Variants in AUTS2 observed in about 807,000 individuals in gnomAD.
AUTS2 encodes the protein autism susceptibility gene 2 protein.
Under a neutral mutation model 112.4 loss-of-function variants are expected in AUTS2, and 17 were observed. That is an observed-to-expected ratio of 0.15 (90% CI 0.10 to 0.23). The LOEUF is 0.23. Among genes scored for constraint, AUTS2 ranks in the 10% least tolerant of loss-of-function variants. The probability of loss-of-function intolerance (pLI) is 1.00; values close to 1 mark genes in which losing one functional copy is unlikely to be tolerated. For synonymous variants in AUTS2, 751 were observed against 702.7 expected (o/e 1.07, Z -1.09); for missense variants, 1,510 against 1,701.6 (o/e 0.89, Z 1.98).
At chr7:70,068,798 A>G (rs1346051705) in intron 2 of AUTS2, among the ~76,000 whole-genome samples, 1 of 152,244 alleles carries the variant, frequency 6.6e-6, no homozygotes, top group Non-Finnish European at 1.5e-5. Flanking sequence ...AACTAACCAC[A>G]GAGAAATGCT....
intron 1 of AUTS2, among the ~76,000 whole-genome samples, chr7:69,601,363 A>C (rs1792397863): frequency 6.6e-6 from 1 of 152,108 alleles, no homozygotes; most frequent in Non-Finnish European, 1.5e-5. Context: ...ATGACAGCTT[A>C]AATCTCACAT....
At chr7:70,781,375 A>AAAAAAC in intron 14 of AUTS2, 2 of 348,412 alleles carry the variant, frequency 5.7e-6, no homozygotes, top group East Asian at 1.3e-4. Flanking sequence ...AAAAAAAAAA[A>AAAAAAC]AAAAAAAAAC....
intron 1 of AUTS2, among the ~76,000 whole-genome samples, chr7:69,830,917 C>T (rs887859844): frequency 1.3e-5 from 2 of 152,060 alleles, no homozygotes; most frequent in Admixed American, 6.6e-5. Flanking sequence ...TGAGGAATGC[C>T]GATGGTTTTC....
At chr7:70,729,891 T>C (rs1391551615) in intron 6 of AUTS2, among the ~76,000 whole-genome samples, 2 of 149,170 alleles carry the variant, frequency 1.3e-5, no homozygotes, top group Non-Finnish European at 1.5e-5. Flanking sequence ...TGTATGTATG[T>C]ATGTATTTAG....
At position 69,876,325 on chromosome 7, in the gene AUTS2, C is replaced by CAA. The variant is rs1167965776; in HGVS notation, c.310-22937_310-22936dup. Among the ~76,000 whole-genome samples, 31 of 26,172 alleles carry CAA rather than the reference C, an allele frequency of 1.2e-3. 1 individual carries two copies. The highest frequency in any genetic ancestry group is 2.5e-3 in the East Asian group (1 of 404). 17.2% of individuals were successfully genotyped at this position (26,172 alleles called of 152,430 possible). On this transcript the variant is annotated intron_variant, in intron 1 of 18. Coordinates refer to ENST00000342771, the MANE Select transcript of AUTS2 (RefSeq NM_015570.4). ...TGGGTGATGGAGCGAGACTCTGTCTCAAAAAAAAAAAAAAAAAAAAAAAAA... is the reference window on the plus strand; with the variant it reads ...TGGGTGATGGAGCGAGACTCTGTCTCAAAAAAAAAAAAAAAAAAAAAAAAAAA...
At chr7:70,602,728 CATTCAACACA>C (rs1007639700) in intron 5 of AUTS2, among the ~76,000 whole-genome samples, 13 of 152,288 alleles carry the variant, frequency 8.5e-5, no homozygotes, top group South Asian at 4.2e-4. Context: ...TTCTTGAACA[CATTCAACACA>C]AAACTGTGGC....
At chr7:70,683,430 A>T (rs529815628) in intron 5 of AUTS2, among the ~76,000 whole-genome samples, 11 of 152,322 alleles carry the variant, frequency 7.2e-5, no homozygotes, top group Admixed American at 7.2e-4. Context: ...GGTGGTGTGT[A>T]AGAGTACATC....
In AUTS2 at chr7:70,766,034, C is replaced by T. The variant is rs1418979562; in HGVS notation, c.1469-80C>T. 1.1e-5 allele frequency: 17 copies of T among 1,556,534 alleles called. No homozygotes were observed. Among genetic ancestry groups the T allele is most frequent in the Non-Finnish European group, 1.5e-5 (17 of 1,148,872 alleles). On this transcript the variant is annotated intron_variant, in intron 8 of 18. Transcript: ENST00000342771. This position sits in a 1 kb window ranked among gnomAD's most constrained non-coding sequence, Gnocchi z 4.8. ...ACCCCTGCCACTGTGTCACCAGCCC[C>T]GTACCCCTCCACAGGAAGGCAGTCC...
intron 6 of AUTS2, among the ~76,000 whole-genome samples, chr7:70,720,129 G>A (rs940564142): frequency 8.6e-5 from 13 of 151,586 alleles, no homozygotes; most frequent in Admixed American, 5.3e-4. Context: ...AATCTGAATC[G>A]TTACTCCACG....
At chr7:70,496,677 C>T (rs1798535939) in intron 5 of AUTS2, among the ~76,000 whole-genome samples, 1 of 145,104 alleles carries the variant, frequency 6.9e-6, no homozygotes. Context: ...ATCGATCACA[C>T]ACCCCACTCA....
intron 1 of AUTS2, among the ~76,000 whole-genome samples, chr7:69,648,216 A>G (rs1795122859): frequency 6.6e-6 from 1 of 152,224 alleles, no homozygotes; most frequent in African/African-American, 2.4e-5. Context: ...TAATTCATCA[A>G]GAGCACTAAC....
Position 70,792,328 on chromosome 7 carries a change from G to C in AUTS2, c.*1332G>C, listed in dbSNP as rs1198895958. 2 of 152,432 alleles carry C rather than the reference G, an allele frequency of 1.3e-5. No individual in the cohort carries two copies. The highest frequency in any genetic ancestry group is 4.8e-5 in the African/African-American group (2 of 41,368). The allele number at this position is 152,432 out of a possible 1,614,324, so 9.4% of individuals were successfully genotyped here. A position where few individuals can be genotyped will look rare whatever the true frequency, so the allele number is the denominator to read the frequency against. ...TCATAATACTTTTATAATACATTAA[G>C]CCTCTTGTCTACATATTTGGAGAGA... On this transcript the variant is annotated 3_prime_UTR_variant, in exon 19 of 19. Transcript: ENST00000342771.
chr7:70,501,497 T>C (rs1457505718), intron 5 of AUTS2, among the ~76,000 whole-genome samples: 1 of 152,230 alleles, frequency 6.6e-6, no homozygotes, highest in East Asian at 1.9e-4. Flanking sequence ...CCATGTTTTC[T>C]TAGCTGATAG....
chr7:69,944,480 T>A (rs944598222), intron 2 of AUTS2, among the ~76,000 whole-genome samples: 4 of 152,176 alleles, frequency 2.6e-5, no homozygotes, highest in Non-Finnish European at 5.9e-5. Context: ...AGAAGACATA[T>A]ATATTTAGGG....
At chr7:70,492,294 C>G (rs569506883) in intron 5 of AUTS2, among the ~76,000 whole-genome samples, 11 of 151,932 alleles carry the variant, frequency 7.2e-5, no homozygotes, top group Admixed American at 5.9e-4. Context: ...AGCCATTGAG[C>G]GAATCCAGCC....
chr7:69,642,326 A>G (rs932456665), intron 1 of AUTS2, among the ~76,000 whole-genome samples: 1 of 152,176 alleles, frequency 6.6e-6, no homozygotes, highest in South Asian at 2.1e-4. Flanking sequence ...ACAAATTTAT[A>G]TCCATGAGTC....
At chr7:70,367,594 A>G (rs1476792689) in intron 4 of AUTS2, among the ~76,000 whole-genome samples, 1 of 151,806 alleles carries the variant, frequency 6.6e-6, no homozygotes, top group Non-Finnish European at 1.5e-5. Flanking sequence ...AATAATAATA[A>G]TACTGATTTA....
chr7:70,014,147 T>G (rs1048123483), intron 2 of AUTS2, among the ~76,000 whole-genome samples: 1 of 152,072 alleles, frequency 6.6e-6, no homozygotes, highest in African/African-American at 2.4e-5. Context: ...TAAAAATGAG[T>G]GTAATACAAT....
intron 4 of AUTS2, among the ~76,000 whole-genome samples, chr7:70,138,640 C>T (rs948981846): frequency 6.6e-6 from 1 of 152,292 alleles, no homozygotes; most frequent in Middle Eastern, 3.4e-3. Context: ...TGGGTCACAT[C>T]TAGTAATTGA....
Sources: allele counts gnomAD v4.1 joint callset (sites outside exome capture counted in the v4.1 genomes callset), GRCh38; gene constraint gnomAD v4.1.1; non-coding constraint Gnocchi (gnomAD v3.1); transcripts MANE v1.5; gene names NCBI Gene and HGNC (gene_info 2026-07-23, HGNC 2026-07-21).